NPAT: variants seen among roughly 807,000 people sequenced by gnomAD.
NPAT encodes nuclear protein, coactivator of histone transcription, also known as protein NPAT.
A neutral mutation model predicts 130.7 loss-of-function variants in NPAT; 52 were observed. The observed-to-expected ratio is 0.40, with a 90% CI of 0.32 to 0.50. The LOEUF (loss-of-function observed/expected upper bound fraction) is 0.50, where lower values mean the gene tolerates loss of function less well. Ranked by LOEUF, NPAT falls within the 20% of genes least tolerant of loss-of-function variation. The probability of loss-of-function intolerance (pLI) is 0.68; values close to 1 mark genes in which losing one functional copy is unlikely to be tolerated. For missense variants in NPAT, 1,687 were observed against 1,662.6 expected, an observed-to-expected ratio of 1.01 and a Z score of -0.26; for synonymous variants, 580 against 584.8, an observed-to-expected ratio of 0.99 and a Z score of 0.12.
intron 2 of NPAT, among the ~76,000 whole-genome samples, chr11:108,194,755 T>C (rs2134871418): frequency 6.6e-6 from 1 of 152,262 alleles, no homozygotes; most frequent in Non-Finnish European, 1.5e-5. Context: ...CTTCAAGCCA[T>C]GTTCCTACCT....
chr11:108,197,290 C>G lies in NPAT; in HGVS notation c.156+12G>C, dbSNP rs558845301. 7 of 1,472,794 alleles carry G rather than the reference C, an allele frequency of 4.8e-6. No individual in the cohort carries two copies. In the South Asian group the frequency reaches 7.9e-5, roughly 17 times the overall value. 91.2% of individuals were successfully genotyped at this position (1,472,794 alleles called of 1,614,324 possible). A position where few individuals can be genotyped will look rare whatever the true frequency, so the allele number is the denominator to read the frequency against. ...TTGATGAAATATTTCCCTTAAGGAA[C>G]AAATAACTCACCAGTAAGCAGGCTG... On this transcript the variant is annotated intron_variant, in intron 2 of 17. Coordinates refer to ENST00000278612, the MANE Select transcript of NPAT (RefSeq NM_002519.3).
intron 1 of NPAT, among the ~76,000 whole-genome samples, chr11:108,211,279 C>T (rs574035809): frequency 9.9e-5 from 15 of 151,598 alleles, no homozygotes; most frequent in East Asian, 1.9e-4. Flanking sequence ...CAGTGGCTCA[C>T]GCCTGTAATC....
chr11:108,177,570 T>C (rs2078020959), intron 10 of NPAT, among the ~76,000 whole-genome samples: 2 of 152,176 alleles, frequency 1.3e-5, no homozygotes, highest in Admixed American at 6.5e-5. Context: ...GACATGCTCA[T>C]TTAAAACAAA....
chr11:108,181,471 A>C (rs1359275233), intron 10 of NPAT, among the ~76,000 whole-genome samples: 2 of 151,956 alleles, frequency 1.3e-5, no homozygotes, highest in Non-Finnish European at 2.9e-5. Context: ...TCTCAAAAAA[A>C]ACAAAAACAA....
Position 108,192,182 on chromosome 11 carries a change from T to C in NPAT, c.226A>G (p.Asn76Asp), listed in dbSNP as rs781778454. 1 of 1,599,894 alleles carries C rather than the reference T, an allele frequency of 6.3e-7. No individual in the cohort carries two copies. The highest frequency in any genetic ancestry group is 8.6e-7 in the Non-Finnish European group (1 of 1,167,222). ...GATGACATTATTGCTGGGACATTAT[T>C]TGATGTTTCTAAATCATAGGAGAAA... ...YVAMKTKETS[N>D]NVPAIMSSLW... Residue 76 changes from asparagine (N) to aspartate (D), a missense_variant, in exon 4 of 18, where the codon AAT becomes GAT. By Grantham distance (23) the Asn-to-Asp change is conservative. Transcript: ENST00000278612.
intron 1 of NPAT, among the ~76,000 whole-genome samples, chr11:108,214,613 T>C (rs187696462): frequency 2.3e-4 from 34 of 150,310 alleles, no homozygotes; most frequent in African/African-American, 7.5e-4. Context: ...CATATCTCAA[T>C]AAAAAAATAT....
intron 3 of NPAT, among the ~76,000 whole-genome samples, chr11:108,193,422 C>T (rs1427222063): frequency 6.6e-6 from 1 of 152,062 alleles, no homozygotes; most frequent in East Asian, 1.9e-4. Context: ...TTATGTACCA[C>T]TCAATGTAAA....
intron 7 of NPAT, among the ~76,000 whole-genome samples, chr11:108,187,891 C>T (rs1362630961): frequency 6.6e-6 from 1 of 152,064 alleles, no homozygotes; most frequent in Non-Finnish European, 1.5e-5. Flanking sequence ...TCCCATGAAA[C>T]AGTGATATGC....
chr11:108,204,902 T>C (rs1471283996), intron 1 of NPAT, among the ~76,000 whole-genome samples: 2 of 152,136 alleles, frequency 1.3e-5, no homozygotes, highest in African/African-American at 4.8e-5. Context: ...AAAAGCATAA[T>C]GGAAATCCTA....
chr11:108,166,002 T>C (rs2077899329), intron 15 of NPAT, among the ~76,000 whole-genome samples: 1 of 5,206 alleles, frequency 1.9e-4, no homozygotes, highest in East Asian at 5.6e-3. Context: ...TAGGCTGATC[T>C]CAAACTCCTG....
At chr11:108,218,046 T>C (rs1274871349) in intron 1 of NPAT, among the ~76,000 whole-genome samples, 3 of 152,192 alleles carry the variant, frequency 2.0e-5, no homozygotes, top group African/African-American at 7.2e-5. Context: ...TCATCTCTTA[T>C]CAGTATAATA....
chr11:108,161,367 G>A lies in NPAT; in HGVS notation c.3719C>T (p.Ser1240Phe), dbSNP rs919965832. Residue 1240 changes from serine to phenylalanine, a missense_variant, in exon 17 of 18, where the codon TCT becomes TTT. Physicochemically the swap from Ser to Phe is radical, Grantham distance 155. This residue lies in a region of NPAT where 1,379 missense variants were observed against 1,346.6 expected (regional missense o/e 1.02). Transcript: ENST00000278612. ...CTGTAACATTTCTGTGGTAATCAAA[G>A]AACTGGCGGATTTAGTTTGTTCTTG... ...LKQEQTKSAS[S>F]LITTEMLQDI... is the part of the protein sequence containing the mutation. 8 of 1,614,040 alleles carry A rather than the reference G, an allele frequency of 5.0e-6. No individual in the cohort carries two copies. In the African/African-American group the frequency reaches 8.0e-5, roughly 16 times the overall value.
intron 10 of NPAT, among the ~76,000 whole-genome samples, chr11:108,177,863 CAT>C (rs1022328006): frequency 4.1e-4 from 62 of 152,054 alleles, no homozygotes; most frequent in South Asian, 1.9e-3. Flanking sequence ...TGAAACTACA[CAT>C]GTGTGCCACC....
chr11:108,164,418 T>C (rs879386842), intron 15 of NPAT, among the ~76,000 whole-genome samples: 1 of 152,128 alleles, frequency 6.6e-6, no homozygotes, highest in Non-Finnish European at 1.5e-5. Flanking sequence ...TGTAGAAGAA[T>C]GTGGATATGT....
chr11:108,158,669 T>G lies in NPAT; in HGVS notation c.*273A>C, dbSNP rs2077817446. 2.8e-6 allele frequency: 1 copy of G among 360,982 alleles called. No individual in the cohort carries two copies. Among genetic ancestry groups the G allele is most frequent in the East Asian group, 6.5e-5 (1 of 15,460 alleles). The allele number at this position is 360,982 out of a possible 1,614,324, so 22.4% of individuals were successfully genotyped here. On this transcript the variant is annotated 3_prime_UTR_variant, in exon 18 of 18. Transcript: ENST00000278612. ...CTATTTCAACAAGATTTACACAGTA[T>G]TTACAATATGGAATTGTCAAAGCTA...
chr11:108,191,059 C>A (rs767721808), intron 4 of NPAT, among the ~76,000 whole-genome samples: 1 of 152,120 alleles, frequency 6.6e-6, no homozygotes, highest in African/African-American at 2.4e-5. Flanking sequence ...CAGAGTGAGA[C>A]CCTACCTCTT....
At chr11:108,181,356 T>C (rs1565315047) in intron 10 of NPAT, among the ~76,000 whole-genome samples, 2 of 152,028 alleles carry the variant, frequency 1.3e-5, no homozygotes, top group Non-Finnish European at 2.9e-5. Flanking sequence ...TCCCAGCCAC[T>C]TGGGAGGCTG....
intron 7 of NPAT, 140 bp downstream of exon 7, chr11:108,187,958 T>C: frequency 5.8e-6 from 4 of 684,620 alleles, no homozygotes; most frequent in Non-Finnish European, 1.0e-5. Flanking sequence ...AGAAAGACAA[T>C]GTATTTTGGA....
chr11:108,177,344 T>G (rs1165764540), intron 10 of NPAT, among the ~76,000 whole-genome samples: 1 of 151,936 alleles, frequency 6.6e-6, no homozygotes, highest in East Asian at 1.9e-4. Flanking sequence ...TTATTTTTGA[T>G]AGAGATGGGG....
Sources: allele counts gnomAD v4.1 joint callset (sites outside exome capture counted in the v4.1 genomes callset), GRCh38; gene constraint gnomAD v4.1.1; regional missense constraint gnomAD v4.1.1; transcripts MANE v1.5; gene names NCBI Gene and HGNC (gene_info 2026-07-23, HGNC 2026-07-21).